UQCC3: variants seen among roughly 807,000 people sequenced by gnomAD.
The protein encoded by UQCC3 is ubiquinol-cytochrome-c reductase complex assembly factor 3.
In UQCC3, 3 loss-of-function variants were observed where a neutral mutation model predicts 3.4. The ratio of observed to expected loss-of-function variants is 0.88; its 90% CI spans 0.40 to 2.26. UQCC3 has a LOEUF of 2.26. Among genes scored for constraint, UQCC3 ranks in the 30% most tolerant of loss-of-function variants. The pLI, the probability that UQCC3 is intolerant of heterozygous loss-of-function variation, is 0.05. For missense variants in UQCC3, 141 were observed against 123.0 expected, an observed-to-expected ratio of 1.15 and a Z score of -0.69; for synonymous variants, 57 against 57.1, an observed-to-expected ratio of 1.00 and a Z score of 0.00.
Position 62,671,941 on chromosome 11 carries a change from T to C in UQCC3, c.121-12T>C. The C allele has an allele frequency of 6.2e-7, 1 of 1,613,724 alleles. No individual in the cohort carries two copies. The highest frequency in any genetic ancestry group is 8.5e-7 in the Non-Finnish European group (1 of 1,179,826). On this transcript the variant is annotated splice_polypyrimidine_tract_variant and intron_variant, in intron 1 of 1. Coordinates refer to ENST00000377953, the MANE Select transcript of UQCC3 (RefSeq NM_001085372.3). ...GACTGGAGCTCCTGCGAACTCCCCTTCCTGCCCTCAGGAGATGCCACTGCA... is the reference window on the plus strand; with the variant it reads ...GACTGGAGCTCCTGCGAACTCCCCTCCCTGCCCTCAGGAGATGCCACTGCA...
intron 1 of UQCC3, 33 bp downstream of exon 1, chr11:62,671,898 G>A (rs757238696): frequency 6.2e-7 from 1 of 1,613,490 alleles, no homozygotes; most frequent in East Asian, 2.2e-5. Flanking sequence ...AGGAAGGGTG[G>A]GCGGGTGGAG....
chr11:62,671,916 G>C, intron 1 of UQCC3, 37 bp from the exon 2 acceptor site: 1 of 1,613,254 alleles, frequency 6.2e-7, no homozygotes, highest in Non-Finnish European at 8.5e-7. Flanking sequence ...GAGAGCCCCG[G>C]ACTGGAGCTC....
In UQCC3 at chr11:62,672,102, G is replaced by A. The variant is rs748857302; in HGVS notation, c.270G>A (p.Gly90=). 3.2e-6 allele frequency: 5 copies of A among 1,580,182 alleles called. No individual in the cohort carries two copies. The South Asian group carries it at 4.6e-5, about 14-fold the overall frequency. ...TTGGCGGCGAAGGCGGCGCCGGCGG[G>A]AGGTCACCGTGAGACCGGACTTGCC... ...WMVGGEGGAG[G]RSP is the part of the protein sequence containing the mutation. The change falls in exon 2 of 2, where the codon GGG becomes GGA. Residue 90 remains glycine (G), a synonymous_variant. Coordinates refer to ENST00000377953, the MANE Select transcript of UQCC3 (RefSeq NM_001085372.3).
In UQCC3 at chr11:62,673,557, C is replaced by T. The variant is rs368497986; in HGVS notation, c.*1443C>T. The T allele has an allele frequency of 1.8e-4, 27 of 152,130 alleles. No individual in the cohort carries two copies. Among genetic ancestry groups the T allele is most frequent in the African/African-American group, 6.5e-4 (27 of 41,412 alleles). 9.4% of individuals were successfully genotyped at this position (152,130 alleles called of 1,614,324 possible). A position where few individuals can be genotyped will look rare whatever the true frequency, so the allele number is the denominator to read the frequency against. On this transcript the variant is annotated 3_prime_UTR_variant, in exon 2 of 2. Coordinates refer to ENST00000377953, the MANE Select transcript of UQCC3 (RefSeq NM_001085372.3). ...GGGGATTAAATAAGTGGGGTCAAAG[C>T]CCCACAGCCTAGTCAACCAAGTTGC...
In UQCC3 at chr11:62,673,363, G is replaced by A. The variant is rs373970088; in HGVS notation, c.*1249G>A. The A allele has an allele frequency of 2.0e-5, 3 of 152,292 alleles. No individual in the cohort carries two copies. The highest frequency in any genetic ancestry group is 1.3e-4 in the Admixed American group (2 of 15,292). 9.4% of individuals were successfully genotyped at this position (152,292 alleles called of 1,614,324 possible). On this transcript the variant is annotated 3_prime_UTR_variant, in exon 2 of 2. Transcript: ENST00000377953. The stretch of plus-strand genomic sequence containing the variant: ...GGAGGCTGACTTACTAGTAGTAAAA[G>A]GAGTGTGCTTTGAGTCACAGATCCT...
Position 62,671,884 on chromosome 11 carries a change from C to T in UQCC3, c.120+19C>T. The stretch of plus-strand genomic sequence containing the variant: ...GCTAAAGGTAGAAGCAACTGGTAGT[C>T]CCGAGGAAGGGTGGGCGGGTGGAGA... On this transcript the variant is annotated intron_variant, in intron 1 of 1. Coordinates refer to ENST00000377953, the MANE Select transcript of UQCC3 (RefSeq NM_001085372.3). The T allele has an allele frequency of 6.2e-7, 1 of 1,613,842 alleles. No homozygotes were observed.
At position 62,671,763 on chromosome 11, in the gene UQCC3, A is replaced by T; in HGVS notation, c.18A>T (p.Lys6Asn). 6.2e-7 allele frequency: 1 copy of T among 1,613,828 alleles called. No homozygotes were observed. Among genetic ancestry groups the T allele is most frequent in the South Asian group, 1.1e-5 (1 of 91,088 alleles). Reference sequence around the variant, plus strand: ...AGGCGGCCATGGATTCCTTGCGGAAAATGCTGATCTCAGTCGCAATGCTGG... The same window carrying T: ...AGGCGGCCATGGATTCCTTGCGGAATATGCTGATCTCAGTCGCAATGCTGG... MDSLRKMLISVAMLGA... is the reference protein window; with the variant it reads MDSLRNMLISVAMLGA... The change falls in exon 1 of 2, where the codon AAA (lysine) becomes AAT (asparagine). Residue 6 changes from lysine to asparagine, a missense_variant. Physicochemically the swap from Lys to Asn is moderately conservative, Grantham distance 94 (BLOSUM62 0). Coordinates refer to ENST00000377953, the MANE Select transcript of UQCC3 (RefSeq NM_001085372.3).
Position 62,672,333 on chromosome 11 carries a change from A to C in UQCC3, c.*219A>C. Reference sequence around the variant, plus strand: ...GGGCCAGGGCCGAGACGCGAGTCGGATGTGGTGAACTGAAAGAACCAATAA... The same window carrying C: ...GGGCCAGGGCCGAGACGCGAGTCGGCTGTGGTGAACTGAAAGAACCAATAA... On this transcript the variant is annotated 3_prime_UTR_variant, in exon 2 of 2. Coordinates refer to ENST00000377953, the MANE Select transcript of UQCC3 (RefSeq NM_001085372.3). The C allele has an allele frequency of 1.7e-6, 1 of 588,692 alleles. No individual in the cohort carries two copies. The highest frequency in any genetic ancestry group is 3.0e-5 in the Admixed American group (1 of 33,084). 36.5% of individuals were successfully genotyped at this position (588,692 alleles called of 1,614,324 possible).
rs553063163 is a variant in UQCC3 at position 62,672,108 on chromosome 11, A to C, written c.276A>C (p.Ser92=). 24 of 1,574,178 alleles carry C rather than the reference A, an allele frequency of 1.5e-5. No homozygotes were observed. In the African/African-American group the frequency reaches 2.6e-4, roughly 17 times the overall value. ...GCGAAGGCGGCGCCGGCGGGAGGTC[A>C]CCGTGAGACCGGACTTGCCTCCGTG... The part of the protein sequence containing the change: ...VGGEGGAGGR[S]P The change falls in exon 2 of 2, where the codon TCA becomes TCC. Residue 92 remains serine, a synonymous_variant. Transcript: ENST00000377953.
In UQCC3 at chr11:62,671,841, GC is replaced by G; in HGVS notation, c.97del (p.Arg33GlyfsTer7). On this transcript the variant is annotated frameshift_variant, in exon 1 of 2. Transcript: ENST00000377953. LOFTEE classifies it low-confidence loss of function (END_TRUNC). ...ALLVIVTPGE[R>X]RKQEMLKEMP... The stretch of plus-strand genomic sequence containing the variant: ...TCCTCGTTATCGTGACCCCGGGAGA[GC>G]GGCGGAAGCAGGAAATGCTAAAGGT... 1 of 1,614,178 alleles carries G rather than the reference GC, an allele frequency of 6.2e-7. No individual in the cohort carries two copies. Among genetic ancestry groups the G allele is most frequent in the Non-Finnish European group, 8.5e-7 (1 of 1,180,030 alleles).
At position 62,672,255 on chromosome 11, in the gene UQCC3, G is replaced by A. The variant is rs1320168159; in HGVS notation, c.*141G>A. The A allele has an allele frequency of 1.1e-6, 1 of 884,326 alleles. No homozygotes were observed. Among genetic ancestry groups the A allele is most frequent in the East Asian group, 2.6e-5 (1 of 37,750 alleles). 54.8% of individuals were successfully genotyped at this position (884,326 alleles called of 1,614,324 possible). ...TCCGGGGTCCTGTGAGCTGCCGTCG[G>A]GTGAGCACGTTTCCCCCAAACCCTG... On this transcript the variant is annotated 3_prime_UTR_variant, in exon 2 of 2. Coordinates refer to ENST00000377953, the MANE Select transcript of UQCC3 (RefSeq NM_001085372.3).
chr11:62,671,833 C>G lies in UQCC3; in HGVS notation c.88C>G (p.Pro30Ala), dbSNP rs769952677. ...CTACGCGCTCCTCGTTATCGTGACCCCGGGAGAGCGGCGGAAGCAGGAAAT... is the reference window on the plus strand; with the variant it reads ...CTACGCGCTCCTCGTTATCGTGACCGCGGGAGAGCGGCGGAAGCAGGAAAT... ...VGYALLVIVTPGERRKQEMLK... is the reference protein window; with the variant it reads ...VGYALLVIVTAGERRKQEMLK... The change falls in exon 1 of 2, where the codon CCG becomes GCG. Residue 30 changes from proline to alanine, a missense_variant. Coordinates refer to ENST00000377953, the MANE Select transcript of UQCC3 (RefSeq NM_001085372.3). 6.2e-7 allele frequency: 1 copy of G among 1,614,146 alleles called. No individual in the cohort carries two copies. Among genetic ancestry groups the G allele is most frequent in the Non-Finnish European group, 8.5e-7 (1 of 1,180,022 alleles).
Position 62,671,695 on chromosome 11 carries a change from T to C in UQCC3, c.-51T>C. The stretch of plus-strand genomic sequence containing the variant: ...GGTAGTGAGACCGCGCGGCAACAGC[T>C]TGCGGCTGCGGGGAGCTCCCGTGGG... On this transcript the variant is annotated 5_prime_UTR_variant, in exon 1 of 2. Coordinates refer to ENST00000377953, the MANE Select transcript of UQCC3 (RefSeq NM_001085372.3). 2 of 1,603,460 alleles carry C rather than the reference T, an allele frequency of 1.2e-6. No individual in the cohort carries two copies. Among genetic ancestry groups the C allele is most frequent in the Non-Finnish European group, 1.7e-6 (2 of 1,174,846 alleles).
rs1250724436 is a variant in UQCC3, at chr11:62,671,778, C to T, written c.33C>T (p.Val11=). 3 of 1,613,968 alleles carry T rather than the reference C, an allele frequency of 1.9e-6. No homozygotes were observed. The highest frequency in any genetic ancestry group is 2.5e-6 in the Non-Finnish European group (3 of 1,180,014). The change falls in exon 1 of 2, where the codon GTC becomes GTT. Residue 11 remains valine, a synonymous_variant. Coordinates refer to ENST00000377953, the MANE Select transcript of UQCC3 (RefSeq NM_001085372.3). MDSLRKMLIS[V]AMLGAGAGVG... Reference sequence around the variant, plus strand: ...CCTTGCGGAAAATGCTGATCTCAGTCGCAATGCTGGGCGCAGGGGCTGGCG... The same window carrying T: ...CCTTGCGGAAAATGCTGATCTCAGTTGCAATGCTGGGCGCAGGGGCTGGCG...
At chr11:62,671,905 G>A in intron 1 of UQCC3, 40 bp downstream of exon 1, 3 of 1,613,372 alleles carry the variant, frequency 1.9e-6, no homozygotes, top group Non-Finnish European at 2.5e-6. Flanking sequence ...GTGGGCGGGT[G>A]GAGAGCCCCG....
rs757354741 is a variant in UQCC3 at position 62,671,824 on chromosome 11, A to C, written c.79A>C (p.Ile27Leu). ...GAGVGYALLV[I>L]VTPGERRKQE... ...TGGCGTGGGCTACGCGCTCCTCGTT[A>C]TCGTGACCCCGGGAGAGCGGCGGAA... Residue 27 changes from isoleucine to leucine, a missense_variant, in exon 1 of 2, where the codon ATC becomes CTC. Physicochemically the swap from Ile to Leu is conservative, Grantham distance 5. Coordinates refer to ENST00000377953, the MANE Select transcript of UQCC3 (RefSeq NM_001085372.3). The C allele has an allele frequency of 6.2e-7, 1 of 1,614,086 alleles. No homozygotes were observed. The highest frequency in any genetic ancestry group is 8.5e-7 in the Non-Finnish European group (1 of 1,180,010).
Position 62,672,684 on chromosome 11 carries a change from A to G in UQCC3, c.*570A>G, listed in dbSNP as rs1944964385. 6.4e-6 allele frequency: 1 copy of G among 155,308 alleles called. No individual in the cohort carries two copies. The highest frequency in any genetic ancestry group is 1.8e-4 in the South Asian group (1 of 5,528). The allele number at this position is 155,308 out of a possible 1,614,324, so 9.6% of individuals were successfully genotyped here. A position where few individuals can be genotyped will look rare whatever the true frequency, so the allele number is the denominator to read the frequency against. On this transcript the variant is annotated 3_prime_UTR_variant, in exon 2 of 2. Coordinates refer to ENST00000377953, the MANE Select transcript of UQCC3 (RefSeq NM_001085372.3). ...AAGCCCAGCTAACTTTTGTGTTTTT[A>G]GTTGAGACAGGGTTCACCATGTTGG...
At position 62,672,095 on chromosome 11, in the gene UQCC3, C is replaced by G; in HGVS notation, c.263C>G (p.Ala88Gly). 6.3e-7 allele frequency: 1 copy of G among 1,591,584 alleles called. No homozygotes were observed. Among genetic ancestry groups the G allele is most frequent in the South Asian group, 1.1e-5 (1 of 88,558 alleles). The change falls in exon 2 of 2, where the codon GCC becomes GGC. Residue 88 changes from alanine to glycine, a missense_variant. Coordinates refer to ENST00000377953, the MANE Select transcript of UQCC3 (RefSeq NM_001085372.3). The stretch of plus-strand genomic sequence containing the variant: ...TGGATGGTTGGCGGCGAAGGCGGCG[C>G]CGGCGGGAGGTCACCGTGAGACCGG... ...KNWMVGGEGG[A>G]GGRSP
rs1332476288 is a variant in UQCC3, at chr11:62,671,683, C to T, written c.-63C>T. 3.1e-6 allele frequency: 5 copies of T among 1,597,242 alleles called. No homozygotes were observed. The highest frequency in any genetic ancestry group is 4.3e-6 in the Non-Finnish European group (5 of 1,172,284). ...CCTGCGCCAAGGGGTAGTGAGACCG[C>T]GCGGCAACAGCTTGCGGCTGCGGGG... On this transcript the variant is annotated 5_prime_UTR_variant, in exon 1 of 2. Coordinates refer to ENST00000377953, the MANE Select transcript of UQCC3 (RefSeq NM_001085372.3).
Sources: gnomAD v4.1 joint callset for allele counts on GRCh38, gnomAD v4.1.1 for gene constraint, MANE v1.5 for transcripts, NCBI Gene and HGNC (gene_info 2026-07-23, HGNC 2026-07-21) for gene names.